The following DSCAML1 variants were observed in gnomAD, a reference collection of about 807,000 sequenced individuals.
DSCAML1 encodes the protein DS cell adhesion molecule like 1.
DSCAML1 carries 38 observed loss-of-function variants against 200.5 expected under a neutral mutation model. That is an observed-to-expected ratio of 0.19 (90% confidence interval 0.15 to 0.25). The LOEUF is 0.25. Among genes scored for constraint, DSCAML1 ranks in the 10% least tolerant of loss-of-function variants. The pLI is 1.00. For synonymous variants in DSCAML1, 1,215 were observed against 1,165.0 expected (o/e 1.04, Z -0.87); for missense variants, 2,223 against 2,858.8 (o/e 0.78, Z 5.07).
intron 3 of DSCAML1, among the ~76,000 whole-genome samples, chr11:117,566,356 C>CTCT (rs199711944): frequency 0.37 from 43,769 of 119,902 alleles, 7,164 homozygotes; most frequent in Admixed American, 0.47. Flanking sequence ...CTCTCTCTCT[C>CTCT]TTTTTTTTTT....
At chr11:117,433,557 G>A in intron 27 of DSCAML1, 86 bp from the exon 28 acceptor site, 4 of 1,476,128 alleles carry the variant, frequency 2.7e-6, no homozygotes, top group Non-Finnish European at 3.7e-6. Flanking sequence ...AAACAAGGTG[G>A]AGAATTCCTT....
chr11:117,445,302 G>A (rs1200666858), intron 20 of DSCAML1, among the ~76,000 whole-genome samples: 3 of 151,798 alleles, frequency 2.0e-5, no homozygotes, highest in Admixed American at 6.6e-5. Flanking sequence ...TGCCTCCCTC[G>A]TGGGGGTCTG....
intron 14 of DSCAML1, among the ~76,000 whole-genome samples, chr11:117,479,815 AT>A (rs2048872791): frequency 6.6e-6 from 1 of 151,986 alleles, no homozygotes; most frequent in African/African-American, 2.4e-5. Flanking sequence ...CGCCTGGCTA[AT>A]TTTTGTATTT....
intron 3 of DSCAML1, among the ~76,000 whole-genome samples, chr11:117,653,093 A>T (rs978408467): frequency 6.6e-6 from 1 of 152,082 alleles, no homozygotes. Context: ...CCCCTCCCCA[A>T]CTTAGGACAA....
chr11:117,606,346 G>A (rs1425773159), intron 3 of DSCAML1, among the ~76,000 whole-genome samples: 3 of 152,130 alleles, frequency 2.0e-5, no homozygotes, highest in South Asian at 2.1e-4. Flanking sequence ...AAGTTCTCGC[G>A]GCCTCAGTGT....
At position 117,463,420 on chromosome 11, in the gene DSCAML1, G is replaced by A. The variant is rs891296172; in HGVS notation, c.3265+1522C>T. Among the ~76,000 whole-genome samples the A allele has an allele frequency of 9.9e-5, 15 of 151,008 alleles. No individual in the cohort carries two copies. Among genetic ancestry groups the A allele is most frequent in the African/African-American group, 2.7e-4 (11 of 40,892 alleles). ...GCTGTATTGTCCATGCTGGACACCC[G>A]GATTAGAAATGAACATTCTTGGCCC... is the stretch of plus-strand genomic sequence containing the variant. On this transcript the variant is annotated intron_variant, in intron 17 of 32. Coordinates refer to ENST00000651296, the MANE Select transcript of DSCAML1 (RefSeq NM_020693.4). This position sits in a 1 kb window ranked among gnomAD's most constrained non-coding sequence, Gnocchi z 4.0.
chr11:117,600,975 G>A (rs2051454396), intron 3 of DSCAML1, among the ~76,000 whole-genome samples: 2 of 152,152 alleles, frequency 1.3e-5, no homozygotes, highest in South Asian at 4.1e-4. Flanking sequence ...CGGGAGGGAG[G>A]GCAGGAATCA....
At chr11:117,576,688 C>G (rs770114360) in intron 3 of DSCAML1, among the ~76,000 whole-genome samples, 1 of 152,206 alleles carries the variant, frequency 6.6e-6, no homozygotes, top group Admixed American at 6.5e-5. Flanking sequence ...ACTGTTTCCA[C>G]AAGGGACTCT....
chr11:117,652,605 G>A (rs1242170874), intron 3 of DSCAML1, among the ~76,000 whole-genome samples: 1 of 152,214 alleles, frequency 6.6e-6, no homozygotes, highest in Non-Finnish European at 1.5e-5. Context: ...AGGAGAGATG[G>A]TGATCCATGG....
At chr11:117,493,146 C>T (rs528361345) in intron 11 of DSCAML1, among the ~76,000 whole-genome samples, 2 of 152,266 alleles carry the variant, frequency 1.3e-5, no homozygotes, top group African/African-American at 4.8e-5. Flanking sequence ...GCTGTTTCTG[C>T]TGCACTGGGG....
Position 117,439,284 on chromosome 11 carries a change from CGAT to C in DSCAML1, c.4123_4125del (p.Ile1375del). On this transcript the variant is annotated inframe_deletion, in exon 23 of 33. Coordinates refer to ENST00000651296, the MANE Select transcript of DSCAML1 (RefSeq NM_020693.4). ...GCCTCACCTTGCACCAGAAGGTTGA[CGAT>C]GATGGTGTCAAAGCCACCAGTGTTG... 6.2e-7 allele frequency: 1 copy of C among 1,613,990 alleles called. No homozygotes were observed. The highest frequency in any genetic ancestry group is 8.5e-7 in the Non-Finnish European group (1 of 1,179,946).
At chr11:117,533,756 G>C (rs953842131) in intron 3 of DSCAML1, among the ~76,000 whole-genome samples, 1 of 151,944 alleles carries the variant, frequency 6.6e-6, no homozygotes, top group Non-Finnish European at 1.5e-5. Flanking sequence ...GGCTCACCCT[G>C]ACCTTGAGCT....
intron 8 of DSCAML1, among the ~76,000 whole-genome samples, chr11:117,515,112 T>C (rs192173956): frequency 6.6e-6 from 1 of 152,210 alleles, no homozygotes; most frequent in Non-Finnish European, 1.5e-5. Context: ...AGACCTCCCT[T>C]CCTCCCAGGC....
intron 3 of DSCAML1, among the ~76,000 whole-genome samples, chr11:117,596,137 A>AT (rs2137497177): frequency 6.6e-6 from 1 of 152,298 alleles, no homozygotes; most frequent in East Asian, 1.9e-4. Context: ...CCTAAACAAA[A>AT]TTATCTGTGA....
chr11:117,545,533 C>T (rs1302918217), intron 3 of DSCAML1, among the ~76,000 whole-genome samples: 1 of 152,184 alleles, frequency 6.6e-6, no homozygotes, highest in African/African-American at 2.4e-5. Context: ...CATTCTAGAA[C>T]CGGGTCCTGC....
chr11:117,433,152 C>A lies in DSCAML1; in HGVS notation c.5012G>T (p.Gly1671Val), dbSNP rs763120704. ...CTGTCACTCACCCAGTTGCTTGATG[C>A]CTTCTTTGTCCTCGATGAGCAGCTG... The part of the protein sequence containing the change: ...RVQLLIEDKE[G>V]IKQLGDDKAT... The change falls in exon 29 of 33, where the codon GGC becomes GTC. Residue 1671 changes from glycine to valine, a missense_variant. Gly to Val is a moderately radical substitution (Grantham distance 109, BLOSUM62 -3). This residue lies in a region of DSCAML1 where 614 missense variants were observed against 739.1 expected (regional missense o/e 0.83). Transcript: ENST00000651296. The A allele has an allele frequency of 1.9e-6, 3 of 1,613,818 alleles. No homozygotes were observed. Among genetic ancestry groups the A allele is most frequent in the Non-Finnish European group, 2.5e-6 (3 of 1,179,840 alleles).
chr11:117,686,380 G>A (rs1565873980), intron 3 of DSCAML1, among the ~76,000 whole-genome samples: 1 of 152,220 alleles, frequency 6.6e-6, no homozygotes, highest in Non-Finnish European at 1.5e-5. Context: ...CCTTCCTTCT[G>A]CACAAGTGGT....
intron 2 of DSCAML1, among the ~76,000 whole-genome samples, chr11:117,779,361 T>C (rs766259618): frequency 6.6e-6 from 1 of 152,168 alleles, no homozygotes; most frequent in Non-Finnish European, 1.5e-5. Flanking sequence ...CCTCCCGACA[T>C]AATCCAGAGA....
At chr11:117,632,679 G>A (rs4936393) in intron 3 of DSCAML1, among the ~76,000 whole-genome samples, 89,262 of 152,052 alleles carry the variant, frequency 0.59, 26,734 homozygotes, top group Admixed American at 0.67. Context: ...GTTTTGTTGA[G>A]GGGAATGAAT....
Sources: gnomAD v4.1 joint callset for allele counts (sites outside exome capture counted in the v4.1 genomes callset) on GRCh38, gnomAD v4.1.1 for gene constraint, gnomAD v4.1.1 regional missense constraint, Gnocchi (gnomAD v3.1) non-coding constraint, MANE v1.5 for transcripts, NCBI Gene and HGNC (gene_info 2026-07-23, HGNC 2026-07-21) for gene names.